The following PDZD2 variants were observed in gnomAD, a reference collection of about 807,000 sequenced individuals.
The protein encoded by PDZD2 is PDZ domain containing 2.
Under a neutral mutation model 220.7 loss-of-function variants are expected in PDZD2, and 90 were observed. The observed-to-expected ratio is 0.41, with a 90% CI of 0.34 to 0.49. The LOEUF (loss-of-function observed/expected upper bound fraction) is 0.49, where lower values mean the gene tolerates loss of function less well. Ranked by LOEUF, PDZD2 falls within the 20% of genes least tolerant of loss-of-function variation. PDZD2 has a pLI of 0.28. For synonymous variants in PDZD2, 1,375 were observed against 1,450.5 expected, an observed-to-expected ratio of 0.95 and a Z score of 1.18; for missense variants, 3,174 against 3,608.5, an observed-to-expected ratio of 0.88 and a Z score of 3.08.
intron 4 of PDZD2, among the ~76,000 whole-genome samples, chr5:31,999,218 A>C (rs2111987307): frequency 8.3e-6 from 1 of 120,586 alleles, no homozygotes; most frequent in African/African-American, 3.1e-5. Flanking sequence ...CAGTTTAGGC[A>C]GTTTATTTGT....
chr5:32,057,820 C>G (rs1739231111), intron 11 of PDZD2, 58 bp from the exon 12 acceptor site: 1 of 1,399,342 alleles, frequency 7.1e-7, no homozygotes, highest in Non-Finnish European at 1.0e-6. Context: ...TTTTTTTAAC[C>G]CTTTGATATA....
chr5:31,653,169 T>TC (rs1410448141), intron 1 of PDZD2, among the ~76,000 whole-genome samples: 1 of 152,128 alleles, frequency 6.6e-6, no homozygotes, highest in Non-Finnish European at 1.5e-5. Flanking sequence ...AACACTGTAC[T>TC]CCATCACCTG....
chr5:31,839,590 G>A (rs924423136), intron 2 of PDZD2, among the ~76,000 whole-genome samples: 5 of 152,170 alleles, frequency 3.3e-5, no homozygotes, highest in African/African-American at 1.2e-4. Flanking sequence ...GCCCACGACT[G>A]TAATCCCAGC....
At chr5:32,014,486 A>C (rs1363870054) in intron 6 of PDZD2, among the ~76,000 whole-genome samples, 1 of 152,114 alleles carries the variant, frequency 6.6e-6, no homozygotes, top group Non-Finnish European at 1.5e-5. Flanking sequence ...CATTTGCATA[A>C]TTGTCAGTCA....
In PDZD2 at chr5:32,098,702, A is replaced by G. The variant is rs141721510; in HGVS notation, c.8218+68A>G. The G allele has an allele frequency of 2.7e-4, 382 of 1,414,814 alleles. No homozygotes were observed. The African/African-American group carries it at 4.9e-3, about 18-fold the overall frequency. 87.6% of individuals were successfully genotyped at this position (1,414,814 alleles called of 1,614,324 possible). A position where few individuals can be genotyped will look rare whatever the true frequency, so the allele number is the denominator to read the frequency against. ...CAGAAAGAGGAGATTCTGGTTGAAC[A>G]TGAAGGAAAATAACAGCTAACTAAC... On this transcript the variant is annotated intron_variant, in intron 23 of 24. Transcript: ENST00000438447. This position sits in a 1 kb window ranked among gnomAD's most constrained non-coding sequence, Gnocchi z 4.1.
chr5:31,886,153 C>A (rs753845655), intron 2 of PDZD2, among the ~76,000 whole-genome samples: 6 of 152,284 alleles, frequency 3.9e-5, no homozygotes, highest in Middle Eastern at 3.4e-3. Flanking sequence ...CCTGTCTTGG[C>A]CTCCCAAAGT....
At chr5:31,745,066 C>A (rs1348834450) in intron 1 of PDZD2, among the ~76,000 whole-genome samples, 1 of 111,354 alleles carries the variant, frequency 9.0e-6, no homozygotes, top group African/African-American at 3.2e-5. Context: ...GAGGGAGACT[C>A]CGTCTCAAAA....
intron 2 of PDZD2, among the ~76,000 whole-genome samples, chr5:31,969,029 G>A (rs757596544): frequency 6.6e-6 from 1 of 152,128 alleles, no homozygotes; most frequent in Non-Finnish European, 1.5e-5. Flanking sequence ...TGGAGAGGAT[G>A]CTTTGGAGGT....
intron 2 of PDZD2, among the ~76,000 whole-genome samples, chr5:31,890,689 T>C (rs1740950691): frequency 6.6e-6 from 1 of 151,420 alleles, no homozygotes; most frequent in Non-Finnish European, 1.5e-5. Context: ...TTTAATCTTC[T>C]CCTTTTAAAT....
At chr5:32,002,663 C>G (rs1207013159) in intron 5 of PDZD2, among the ~76,000 whole-genome samples, 1 of 133,530 alleles carries the variant, frequency 7.5e-6, no homozygotes, top group East Asian at 2.2e-4. Context: ...ATACTACACA[C>G]ACACACCACA....
intron 1 of PDZD2, among the ~76,000 whole-genome samples, chr5:31,766,058 T>C (rs10058542): frequency 0.65 from 98,514 of 151,934 alleles, 34,778 homozygotes; most frequent in Non-Finnish European, 0.8. Flanking sequence ...TGCACACCTG[T>C]AGTCCCAGCT....
chr5:31,910,474 T>G (rs1382477215), intron 2 of PDZD2, among the ~76,000 whole-genome samples: 2 of 149,332 alleles, frequency 1.3e-5, no homozygotes, highest in African/African-American at 4.9e-5. Flanking sequence ...TTGCGCAAAT[T>G]CCGCCTCCTG....
chr5:31,900,134 G>A (rs1022025834), intron 2 of PDZD2, among the ~76,000 whole-genome samples: 6 of 152,326 alleles, frequency 3.9e-5, no homozygotes, highest in African/African-American at 1.4e-4. Context: ...TTTTGAGAAT[G>A]GCAGAGGGTG....
intron 2 of PDZD2, among the ~76,000 whole-genome samples, chr5:31,874,928 C>T (rs1167518131): frequency 6.6e-6 from 1 of 152,122 alleles, no homozygotes; most frequent in East Asian, 1.9e-4. Context: ...CCTGGGAAAC[C>T]CCAGCTCCAT....
At chr5:31,695,810 G>T (rs1747355030) in intron 1 of PDZD2, among the ~76,000 whole-genome samples, 1 of 152,134 alleles carries the variant, frequency 6.6e-6, no homozygotes, top group African/African-American at 2.4e-5. Context: ...AGAGCAGAAT[G>T]TAGCACTTCC....
At chr5:32,106,713 T>C (rs750671367) in intron 24 of PDZD2, among the ~76,000 whole-genome samples, 4 of 152,222 alleles carry the variant, frequency 2.6e-5, no homozygotes, top group South Asian at 2.1e-4. Context: ...TTGTTTCACA[T>C]AACCTGAAGG....
At chr5:31,787,910 T>C (rs1753472624) in intron 1 of PDZD2, among the ~76,000 whole-genome samples, 1 of 152,224 alleles carries the variant, frequency 6.6e-6, no homozygotes, top group Non-Finnish European at 1.5e-5. Flanking sequence ...TATGGTCTCT[T>C]TCTCCAGTGG....
chr5:31,663,854 GGTGTGT>G (rs376879069), intron 1 of PDZD2, among the ~76,000 whole-genome samples: 22 of 149,740 alleles, frequency 1.5e-4, no homozygotes, highest in African/African-American at 2.0e-4. Context: ...GGAAGTTTAG[GGTGTGT>G]GTGTGTGTGT....
At chr5:31,875,521 G>A (rs936596377) in intron 2 of PDZD2, among the ~76,000 whole-genome samples, 3 of 149,208 alleles carry the variant, frequency 2.0e-5, no homozygotes, top group African/African-American at 7.4e-5. Context: ...GGGAGGTGGA[G>A]GTTGCAGTGA....
Sources: allele counts gnomAD v4.1 joint callset (sites outside exome capture counted in the v4.1 genomes callset), GRCh38; gene constraint gnomAD v4.1.1; non-coding constraint Gnocchi (gnomAD v3.1); transcripts MANE v1.5; gene names NCBI Gene and HGNC (gene_info 2026-07-23, HGNC 2026-07-21).